Variants in ABCC4 observed in about 807,000 individuals in gnomAD.
ABCC4 encodes the protein ATP-binding cassette sub-family C member 4.
ABCC4 carries 102 observed loss-of-function variants against 168.5 expected under a neutral mutation model. That is an observed-to-expected ratio of 0.61 (90% CI 0.52 to 0.71). ABCC4 has a LOEUF of 0.71. Among genes scored for constraint, ABCC4 ranks in the 30% least tolerant of loss-of-function variants. ABCC4 has a pLI of 0.00. For missense variants in ABCC4, 1,402 were observed against 1,605.8 expected (o/e 0.87, Z 2.17); for synonymous variants, 617 against 590.7 (o/e 1.04, Z -0.65).
intron 13 of ABCC4, among the ~76,000 whole-genome samples, chr13:95,174,767 G>C (rs1397591654): frequency 1.3e-5 from 2 of 152,180 alleles, no homozygotes; most frequent in Admixed American, 6.5e-5. Context: ...AGCCACAGAG[G>C]CCCTTCTCGG....
intron 4 of ABCC4, among the ~76,000 whole-genome samples, chr13:95,214,702 A>G (rs1456911504): frequency 6.6e-6 from 1 of 152,028 alleles, no homozygotes; most frequent in African/African-American, 2.4e-5. Flanking sequence ...CCTGGCCAAC[A>G]TGGTGAGACC....
intron 4 of ABCC4, among the ~76,000 whole-genome samples, chr13:95,221,870 G>A (rs985725553): frequency 2.0e-5 from 3 of 152,104 alleles, no homozygotes; most frequent in Admixed American, 2.0e-4. Context: ...AGCCTCATGC[G>A]GCCCTTTCCC....
At chr13:95,241,892 T>A (rs1312124914) in intron 3 of ABCC4, among the ~76,000 whole-genome samples, 2 of 152,146 alleles carry the variant, frequency 1.3e-5, no homozygotes, top group African/African-American at 4.8e-5. Flanking sequence ...TAGGGAGTTA[T>A]GGATCCACTG....
At chr13:95,290,280 T>C (rs1236273483) in intron 1 of ABCC4, among the ~76,000 whole-genome samples, 1 of 152,132 alleles carries the variant, frequency 6.6e-6, no homozygotes. Context: ...GAAACTGCTA[T>C]GTAATCTAAA....
intron 1 of ABCC4, among the ~76,000 whole-genome samples, chr13:95,276,817 G>A (rs1259085153): frequency 3.3e-5 from 5 of 152,186 alleles, no homozygotes; most frequent in Non-Finnish European, 5.9e-5. Context: ...CCAGGAGTCC[G>A]AGACCAGCCT....
intron 10 of ABCC4, 44 bp downstream of exon 10, chr13:95,188,409 A>G (rs11568686): frequency 8.3e-6 from 13 of 1,560,984 alleles, no homozygotes; most frequent in Non-Finnish European, 1.1e-5. Flanking sequence ...AGTTAATATG[A>G]TAAGTGGGGT....
At position 95,176,244 on chromosome 13, in the gene ABCC4, G is replaced by GGGGGGGGT. The variant is rs1317252304; in HGVS notation, c.1727+1462_1727+1463insACCCCCCC. Among the ~76,000 whole-genome samples the GGGGGGGGT allele has an allele frequency of 3.3e-4, 15 of 44,960 alleles. 4 individuals are homozygous for GGGGGGGGT. Among genetic ancestry groups the GGGGGGGGT allele is most frequent in the African/African-American group, 3.4e-4 (4 of 11,908 alleles). The allele number at this position is 44,960 out of a possible 152,430, so 29.5% of individuals were successfully genotyped here. A position where few individuals can be genotyped will look rare whatever the true frequency, so the allele number is the denominator to read the frequency against. ...AGGGCAGGGGGGGGGGGGGGGGGGGGGTGGATCCCTTGAGCCCAGGAGTTC... is the reference window on the plus strand; with the variant it reads ...AGGGCAGGGGGGGGGGGGGGGGGGGGGGGGGGGTGTGGATCCCTTGAGCCCAGGAGTTC... On this transcript the variant is annotated intron_variant, in intron 13 of 30. Coordinates refer to ENST00000645237, the MANE Select transcript of ABCC4 (RefSeq NM_005845.5).
chr13:95,214,819 G>T (rs1422751650), intron 4 of ABCC4, among the ~76,000 whole-genome samples: 1 of 148,166 alleles, frequency 6.7e-6, no homozygotes, highest in Non-Finnish European at 1.5e-5. Flanking sequence ...CTGGGAGGCA[G>T]AGGTTGCAGT....
intron 21 of ABCC4, among the ~76,000 whole-genome samples, chr13:95,078,452 TC>T (rs1031979792): frequency 3.3e-5 from 5 of 151,806 alleles, no homozygotes; most frequent in Non-Finnish European, 5.9e-5. Context: ...AAAAGATGAC[TC>T]TTCAACACAC....
Position 95,246,933 on chromosome 13 carries a change from A to G in ABCC4, c.306+42T>C, listed in dbSNP as rs1555336781. ...AGTCAATGGCGAGCACATTTACTCTATGTGTCCTGAAAAACAATTCATGGT... is the reference window on the plus strand; with the variant it reads ...AGTCAATGGCGAGCACATTTACTCTGTGTGTCCTGAAAAACAATTCATGGT... On this transcript the variant is annotated intron_variant, in intron 3 of 30. Coordinates refer to ENST00000645237, the MANE Select transcript of ABCC4 (RefSeq NM_005845.5). 7.5e-6 allele frequency: 12 copies of G among 1,600,636 alleles called. No individual in the cohort carries two copies. The South Asian group carries it at 1.3e-4, about 18-fold the overall frequency.
At chr13:95,028,923 TG>T (rs2031675505) in intron 30 of ABCC4, among the ~76,000 whole-genome samples, 1 of 151,844 alleles carries the variant, frequency 6.6e-6, no homozygotes, top group Non-Finnish European at 1.5e-5. Flanking sequence ...CCCAGCACTT[TG>T]GGAGGCCAAG....
At chr13:95,058,980 G>A (rs1185662059) in intron 26 of ABCC4, among the ~76,000 whole-genome samples, 2 of 152,218 alleles carry the variant, frequency 1.3e-5, no homozygotes, top group Admixed American at 1.3e-4. Context: ...TCTTTTATAT[G>A]AACCAGAATA....
intron 1 of ABCC4, among the ~76,000 whole-genome samples, chr13:95,255,336 C>T (rs1313363039): frequency 6.6e-6 from 1 of 152,222 alleles, no homozygotes; most frequent in Non-Finnish European, 1.5e-5. Flanking sequence ...TTCCCATGGC[C>T]TGGCTCCAAG....
chr13:95,276,977 C>T (rs1448611196), intron 1 of ABCC4, among the ~76,000 whole-genome samples: 1 of 152,164 alleles, frequency 6.6e-6, no homozygotes, highest in Non-Finnish European at 1.5e-5. Flanking sequence ...CGAAGTCGCA[C>T]CACTGCACTC....
At chr13:95,109,461 G>C (rs1008725949) in intron 20 of ABCC4, among the ~76,000 whole-genome samples, 46 of 151,866 alleles carry the variant, frequency 3.0e-4, no homozygotes, top group African/African-American at 1.0e-3. Flanking sequence ...CTTTCCAAAA[G>C]TTAAAGAGAG....
intron 19 of ABCC4, among the ~76,000 whole-genome samples, chr13:95,132,994 G>A (rs1194576925): frequency 6.6e-6 from 1 of 151,816 alleles, no homozygotes; most frequent in Non-Finnish European, 1.5e-5. Flanking sequence ...GATGGAGGAT[G>A]GTGACAGCTG....
chr13:95,050,461 C>G (rs1594009978), intron 27 of ABCC4, among the ~76,000 whole-genome samples: 1 of 152,202 alleles, frequency 6.6e-6, no homozygotes, highest in Non-Finnish European at 1.5e-5. Context: ...ACACTCTCCT[C>G]CAGTCTTTGT....
chr13:95,062,631 C>T, intron 26 of ABCC4, 73 bp downstream of exon 26: 1 of 1,347,724 alleles, frequency 7.4e-7, no homozygotes, highest in Non-Finnish European at 1.0e-6. Flanking sequence ...TTAAAAAAAG[C>T]AATAAGAGTA....
At chr13:95,246,880 C>T in intron 3 of ABCC4, 95 bp downstream of exon 3, 4 of 1,429,018 alleles carry the variant, frequency 2.8e-6, no homozygotes, top group South Asian at 2.7e-5. Flanking sequence ...CCACTTCTCC[C>T]TTCTGTTCCC....
Sources: allele counts gnomAD v4.1 joint callset (sites outside exome capture counted in the v4.1 genomes callset), GRCh38; gene constraint gnomAD v4.1.1; transcripts MANE v1.5; gene names NCBI Gene and HGNC (gene_info 2026-07-23, HGNC 2026-07-21).